TP73: variants seen among roughly 807,000 people sequenced by gnomAD.
TP73 encodes tumor protein p73.
A neutral mutation model predicts 62.5 loss-of-function variants in TP73; 25 were observed. That is an observed-to-expected ratio of 0.40 (90% confidence interval 0.29 to 0.56). The LOEUF (loss-of-function observed/expected upper bound fraction) is 0.56. TP73 is among the 20% of genes least tolerant of loss of function. TP73 has a pLI of 0.46. For missense variants in TP73, 754 were observed against 913.3 expected, an observed-to-expected ratio of 0.83 and a Z score of 2.25; for synonymous variants, 423 against 377.5, an observed-to-expected ratio of 1.12 and a Z score of -1.40.
chr1:3,679,275 C>T (rs1012334521), intron 1 of TP73, among the ~76,000 whole-genome samples: 1 of 152,238 alleles, frequency 6.6e-6, no homozygotes, highest in African/African-American at 2.4e-5. Context: ...CATAAGATCA[C>T]AAATCATGTT....
At chr1:3,661,747 A>G (rs12733195) in intron 1 of TP73, among the ~76,000 whole-genome samples, 1 of 146,582 alleles carries the variant, frequency 6.8e-6, no homozygotes, top group African/African-American at 2.5e-5. Context: ...TATAATATGT[A>G]TTACATATAT....
Position 3,733,019 on chromosome 1 carries a change from C to T in TP73, c.1851C>T (p.Pro617=), listed in dbSNP as rs200586179. 4.5e-6 allele frequency: 7 copies of T among 1,556,772 alleles called. No homozygotes were observed. Among genetic ancestry groups the T allele is most frequent in the African/African-American group, 4.1e-5 (3 of 73,496 alleles). ...GGGCGGACTTCGGCTTCGACCTGCC[C>T]GACTGCAAGGCCCGCAAGCAGCCCA... ...DEWADFGFDL[P]DCKARKQPIK... Residue 617 remains proline, a synonymous_variant, in exon 14 of 14, where the codon CCC becomes CCT. Coordinates refer to ENST00000378295, the MANE Select transcript of TP73 (RefSeq NM_005427.4).
intron 3 of TP73, among the ~76,000 whole-genome samples, chr1:3,684,906 T>C (rs371994489): frequency 2.0e-5 from 3 of 152,130 alleles, no homozygotes; most frequent in African/African-American, 7.2e-5. Flanking sequence ...AAAGTGAGAC[T>C]GCAACCTCTC....
At position 3,732,855 on chromosome 1, in the gene TP73, T is replaced by G. The variant is rs1642242758; in HGVS notation, c.1687T>G (p.Ser563Ala). ...DYSTAQQLLRSSNAATISIGG... is the reference protein window; with the variant it reads ...DYSTAQQLLRASNAATISIGG... The stretch of plus-strand genomic sequence containing the variant: ...CAGCACCGCGCAGCAGCTGCTCCGC[T>G]CTAGCAACGCGGCCACCATCTCCAT... Residue 563 changes from serine (S) to alanine (A), a missense_variant, in exon 14 of 14, where the codon TCT becomes GCT. This residue lies in a region of TP73 where 458 missense variants were observed against 528.7 expected (regional missense o/e 0.87). Transcript: ENST00000378295. 1 of 1,611,932 alleles carries G rather than the reference T, an allele frequency of 6.2e-7. No individual in the cohort carries two copies. Among genetic ancestry groups the G allele is most frequent in the Non-Finnish European group, 8.5e-7 (1 of 1,179,730 alleles).
chr1:3,693,296 G>A (rs992578802), intron 3 of TP73, among the ~76,000 whole-genome samples: 2 of 152,222 alleles, frequency 1.3e-5, no homozygotes, highest in East Asian at 1.9e-4. Context: ...CAAAGTGAGC[G>A]AATAGAGTTG....
rs188609649 is a variant in TP73, at chr1:3,673,393, G to A, written c.-33-8940G>A. 2.9e-3 allele frequency among the ~76,000 whole-genome samples: 442 copies of A among 152,262 alleles called. 2 individuals carry two copies. Among genetic ancestry groups the A allele is most frequent in the African/African-American group, 0.01 (425 of 41,546 alleles). ...CACCACCTGATACTAAATAACCGTC[G>A]GTCAATGGCAACTCGATACGGTTTA... is the stretch of plus-strand genomic sequence containing the variant. On this transcript the variant is annotated intron_variant, in intron 1 of 13. Transcript: ENST00000378295.
chr1:3,685,016 A>G (rs1002814211), intron 3 of TP73, among the ~76,000 whole-genome samples: 6 of 152,058 alleles, frequency 3.9e-5, no homozygotes, highest in South Asian at 2.1e-4. Flanking sequence ...GTGTCCTCCA[A>G]TCTGGGGAGG....
chr1:3,701,502 ATTTCTTTTTTGG>A lies in TP73; in HGVS notation c.187-6043_187-6032del. On this transcript the variant is annotated intron_variant, in intron 3 of 13. Coordinates refer to ENST00000378295, the MANE Select transcript of TP73 (RefSeq NM_005427.4). This position sits in a 1 kb window ranked among gnomAD's most constrained non-coding sequence, Gnocchi z 4.7. ...CAACCATCCTACGAAGTCCACGTTG[ATTTCTTTTTTGG>A]TTTTTTTCGAGACAGAGTCTTGCTC... Among the ~76,000 whole-genome samples, 1 of 151,882 alleles carries A rather than the reference ATTTCTTTTTTGG, an allele frequency of 6.6e-6. No individual in the cohort carries two copies. The highest frequency in any genetic ancestry group is 2.1e-4 in the South Asian group (1 of 4,804).
In TP73 at chr1:3,735,769, G is replaced by A. The variant is rs1642424873; in HGVS notation, c.*2690G>A. ...TCCTGAGTCTGCTCAGAGAGGCAAG[G>A]CAGAAGGAGCTCGCCAGGCAGGTCA... is the stretch of plus-strand genomic sequence containing the variant. On this transcript the variant is annotated 3_prime_UTR_variant, in exon 14 of 14. Coordinates refer to ENST00000378295, the MANE Select transcript of TP73 (RefSeq NM_005427.4). The A allele has an allele frequency of 6.6e-6, 1 of 152,230 alleles. No individual in the cohort carries two copies. Among genetic ancestry groups the A allele is most frequent in the Non-Finnish European group, 1.5e-5 (1 of 68,050 alleles). 9.4% of individuals were successfully genotyped at this position (152,230 alleles called of 1,614,324 possible).
rs530211312 is a variant in TP73, at chr1:3,690,580, G to A, written c.186+7400G>A. The A allele has an allele frequency of 1.2e-4, 145 of 1,194,368 alleles. 1 individual carries two copies. Among genetic ancestry groups the A allele is most frequent in the East Asian group, 6.7e-4 (15 of 22,382 alleles). 74.0% of individuals were successfully genotyped at this position (1,194,368 alleles called of 1,614,324 possible). On this transcript the variant is annotated intron_variant, in intron 3 of 13. Transcript: ENST00000378295. ...CCTCCCCACGCAGCCTCCTTGGTGC[G>A]GTCCAACACATCACCGGGCAAGCTG...
intron 1 of TP73, among the ~76,000 whole-genome samples, chr1:3,660,176 G>A (rs955000647): frequency 6.6e-6 from 1 of 152,212 alleles, no homozygotes; most frequent in Non-Finnish European, 1.5e-5. Context: ...CTTGATATCA[G>A]ACTTCACCTG....
rs578125273 is a variant in TP73, at chr1:3,688,790, T to C, written c.186+5610T>C. 2.8e-3 allele frequency among the ~76,000 whole-genome samples: 421 copies of C among 152,226 alleles called. 1 individual carries two copies. Among genetic ancestry groups the C allele is most frequent in the African/African-American group, 9.8e-3 (408 of 41,534 alleles). Reference sequence around the variant, plus strand: ...CGCAGCCTGGCCCAGATGCTAAGGGTGGAGAGATGCGGGGTCTCAGGCACG... The same window carrying C: ...CGCAGCCTGGCCCAGATGCTAAGGGCGGAGAGATGCGGGGTCTCAGGCACG... On this transcript the variant is annotated intron_variant, in intron 3 of 13. Coordinates refer to ENST00000378295, the MANE Select transcript of TP73 (RefSeq NM_005427.4).
At chr1:3,685,267 G>A (rs377464790) in intron 3 of TP73, among the ~76,000 whole-genome samples, 10 of 152,078 alleles carry the variant, frequency 6.6e-5, no homozygotes, top group Non-Finnish European at 2.9e-5. Flanking sequence ...CCCCAGCCCC[G>A]GAGGGTTCCC....
chr1:3,722,011 C>T lies in TP73; in HGVS notation c.430-10C>T. On this transcript the variant is annotated splice_polypyrimidine_tract_variant and intron_variant, in intron 4 of 13. Transcript: ENST00000378295. Reference sequence around the variant, plus strand: ...CACTGGTCTCACCCGCTCCCTCTCCCCCACTCCAGTACTCCCCGCTCTTGA... The same window carrying T: ...CACTGGTCTCACCCGCTCCCTCTCCTCCACTCCAGTACTCCCCGCTCTTGA... 2 of 1,598,014 alleles carry T rather than the reference C, an allele frequency of 1.3e-6. No individual in the cohort carries two copies. The highest frequency in any genetic ancestry group is 1.7e-4 in the Middle Eastern group (1 of 5,980).
Position 3,656,366 on chromosome 1 carries a change from A to T in TP73, c.-34+3725A>T, listed in dbSNP as rs1347840160. On this transcript the variant is annotated intron_variant, in intron 1 of 13. Coordinates refer to ENST00000378295, the MANE Select transcript of TP73 (RefSeq NM_005427.4). ...CCAAAGTGCTTTCTTTTCCTGGACAAGTTGCACATCACAGACCCAAAGAAG... is the reference window on the plus strand; with the variant it reads ...CCAAAGTGCTTTCTTTTCCTGGACATGTTGCACATCACAGACCCAAAGAAG... 6.3e-4 allele frequency among the ~76,000 whole-genome samples: 96 copies of T among 152,198 alleles called. 1 individual carries two copies. Among genetic ancestry groups the T allele is most frequent in the Non-Finnish European group, 7.3e-5 (5 of 68,036 alleles).
chr1:3,730,730 C>T (rs932777013), intron 11 of TP73, among the ~76,000 whole-genome samples, 197 bp from the exon 12 acceptor site: 6 of 152,204 alleles, frequency 3.9e-5, no homozygotes, highest in African/African-American at 1.4e-4. Context: ...CCCGTCCCTA[C>T]TAGGCGGGGC....
chr1:3,732,645 AG>A, intron 13 of TP73, 101 bp from the exon 14 acceptor site: 1 of 1,063,464 alleles, frequency 9.4e-7, no homozygotes, highest in Non-Finnish European at 1.3e-6. Context: ...TTGGGGGTGT[AG>A]GGGCCAGGGT....
intron 5 of TP73, among the ~76,000 whole-genome samples, chr1:3,722,719 AGGGCTGGGCACCTCTCTTCACCTGGCATG>A (rs1641173306): frequency 6.7e-5 from 7 of 104,002 alleles, no homozygotes; most frequent in Non-Finnish European, 1.2e-4. Context: ...CACCTGGCAC[AGGGCTGGGCACCTCTCTTCACCTGGCATG>A]GGGCTGGGCA....
chr1:3,674,851 C>T (rs1223301150), intron 1 of TP73, among the ~76,000 whole-genome samples: 1 of 152,220 alleles, frequency 6.6e-6, no homozygotes, highest in East Asian at 1.9e-4. Flanking sequence ...GAGCCGCTGT[C>T]TCACACAGGG....
Sources: gnomAD v4.1 joint callset for allele counts (sites outside exome capture counted in the v4.1 genomes callset) on GRCh38, gnomAD v4.1.1 for gene constraint, gnomAD v4.1.1 regional missense constraint, Gnocchi (gnomAD v3.1) non-coding constraint, MANE v1.5 for transcripts, NCBI Gene and HGNC (gene_info 2026-07-23, HGNC 2026-07-21) for gene names.